The following KLHL5 variants were observed in gnomAD, a reference collection of about 807,000 sequenced individuals.
KLHL5 encodes kelch-like protein 5.
Under a neutral mutation model 77.7 loss-of-function variants are expected in KLHL5, and 48 were observed. The ratio of observed to expected loss-of-function variants is 0.62; its 90% CI spans 0.49 to 0.79. The LOEUF is 0.79. KLHL5 is among the 30% of genes least tolerant of loss of function. KLHL5 has a pLI of 0.00. For missense variants in KLHL5, 723 were observed against 859.7 expected, an observed-to-expected ratio of 0.84 and a Z score of 1.99; for synonymous variants, 260 against 297.0, an observed-to-expected ratio of 0.88 and a Z score of 1.28.
chr4:39,075,994 C>T lies in KLHL5; in HGVS notation c.413C>T (p.Ser138Phe), dbSNP rs1718996254. The T allele has an allele frequency of 6.2e-7, 1 of 1,610,342 alleles. No individual in the cohort carries two copies. Among genetic ancestry groups the T allele is most frequent in the African/African-American group, 1.3e-5 (1 of 74,568 alleles). ...RTSNSSQTLS[S>F]CHTMEPCTSD... ...TCCAATAGTAGTCAGACATTATCAT[C>T]CTGTCATACTATGGAGCCATGTACA... The change falls in exon 2 of 11, where the codon TCC becomes TTC. Residue 138 changes from serine to phenylalanine, a missense_variant. Physicochemically the swap from Ser to Phe is radical, Grantham distance 155. This residue lies in a region of KLHL5 where 221 missense variants were observed against 222.1 expected (regional missense o/e 1.00). Coordinates refer to ENST00000504108, the MANE Select transcript of KLHL5 (RefSeq NM_015990.5).
At chr4:39,115,379 C>T (rs755178884) in intron 10 of KLHL5, 49 bp downstream of exon 10, 2 of 1,605,964 alleles carry the variant, frequency 1.2e-6, no homozygotes, top group Non-Finnish European at 1.7e-6. Flanking sequence ...TTTATTAAAA[C>T]AATTCTTATG....
At chr4:39,107,018 C>T (rs1470767690) in intron 7 of KLHL5, among the ~76,000 whole-genome samples, 1 of 151,482 alleles carries the variant, frequency 6.6e-6, no homozygotes, top group African/African-American at 2.4e-5. Context: ...AGGCTTGAGC[C>T]ACCGTTCCCA....
rs139982106 is a variant in KLHL5 at position 39,081,157 on chromosome 4, C to G, written c.621C>G (p.Val207=). 2.0e-4 allele frequency: 323 copies of G among 1,612,104 alleles called. 1 individual carries two copies. In the African/African-American group the frequency reaches 3.6e-3, roughly 18 times the overall value. Reference sequence around the variant, plus strand: ...TTGCTGCCATGTTTACTAATGATGTCAGAGAGGCAAGACAAGAAGAAATAA... The same window carrying G: ...TTGCTGCCATGTTTACTAATGATGTGAGAGAGGCAAGACAAGAAGAAATAA... ...DYFAAMFTND[V]REARQEEIKM... Residue 207 remains valine, a synonymous_variant, in exon 3 of 11, where the codon GTC becomes GTG. Coordinates refer to ENST00000504108, the MANE Select transcript of KLHL5 (RefSeq NM_015990.5). The surrounding 1 kb of genome is among the most constrained non-coding windows in gnomAD (Gnocchi z 4.3).
At chr4:39,073,409 G>A (rs1277181841) in intron 1 of KLHL5, among the ~76,000 whole-genome samples, 1 of 152,094 alleles carries the variant, frequency 6.6e-6, no homozygotes, top group Non-Finnish European at 1.5e-5. Flanking sequence ...TAATTTATTT[G>A]TTTAATCATC....
intron 5 of KLHL5, among the ~76,000 whole-genome samples, chr4:39,089,429 G>C (rs1428554517): frequency 1.3e-5 from 2 of 152,130 alleles, no homozygotes; most frequent in Non-Finnish European, 2.9e-5. Flanking sequence ...TAAGGACTCT[G>C]AAGTCCTTAG....
In KLHL5 at chr4:39,072,193, CTG is replaced by C. The variant is rs1173955647; in HGVS notation, c.384-3770_384-3769del. 1.4e-4 allele frequency among the ~76,000 whole-genome samples: 22 copies of C among 152,174 alleles called. 1 individual carries two copies. The highest frequency in any genetic ancestry group is 1.1e-3 in the Admixed American group (17 of 15,278). The stretch of plus-strand genomic sequence containing the variant: ...AACAACATTATATAAAGACAAAAGA[CTG>C]TAATTACAGGCCTTCCCATTGGCCA... On this transcript the variant is annotated intron_variant, in intron 1 of 10. Coordinates refer to ENST00000504108, the MANE Select transcript of KLHL5 (RefSeq NM_015990.5).
chr4:39,081,210 T>C lies in KLHL5; in HGVS notation c.674T>C (p.Leu225Ser). The C allele has an allele frequency of 1.9e-6, 3 of 1,612,828 alleles. No homozygotes were observed. Among genetic ancestry groups the C allele is most frequent in the Non-Finnish European group, 2.5e-6 (3 of 1,179,454 alleles). ...IKMEGVEPNS[L>S]WSLIQYAYTG... is the part of the protein sequence containing the mutation. The stretch of plus-strand genomic sequence containing the variant: ...ATGGAAGGTGTAGAACCAAATTCGT[T>C]GTGGTCCTTGATCCAGTATGCTTAT... Residue 225 changes from leucine (L) to serine (S), a missense_variant, in exon 3 of 11, where the codon TTG (leucine) becomes TCG (serine). Transcript: ENST00000504108. The surrounding 1 kb of genome is among the most constrained non-coding windows in gnomAD (Gnocchi z 4.3).
downstream of KLHL5, among the ~76,000 whole-genome samples, chr4:39,130,062 G>T (rs1204029011): frequency 6.6e-6 from 1 of 152,258 alleles, no homozygotes; most frequent in Non-Finnish European, 1.5e-5. Context: ...GCTCGGTCGG[G>T]GAGACCCTAA....
At chr4:39,069,469 TATATACACAC>T (rs1464010715) in intron 1 of KLHL5, among the ~76,000 whole-genome samples, 1 of 66,856 alleles carries the variant, frequency 1.5e-5, no homozygotes, top group African/African-American at 4.7e-5. Flanking sequence ...TATATATATA[TATATACACAC>T]ACACACACAC....
In KLHL5 at chr4:39,126,231, T is replaced by C. The variant is rs1442525990; in HGVS notation, c.*5165T>C. Among the ~76,000 whole-genome samples the C allele has an allele frequency of 2.6e-5, 4 of 152,236 alleles. No individual in the cohort carries two copies. The highest frequency in any genetic ancestry group is 5.9e-5 in the Non-Finnish European group (4 of 68,046). Reference sequence around the variant, plus strand: ...AATAAAATGATATTTAATTTCACTGTGACTAGATAATACTCATGTAATATT... The same window carrying C: ...AATAAAATGATATTTAATTTCACTGCGACTAGATAATACTCATGTAATATT... On this transcript the variant is annotated 3_prime_UTR_variant, in exon 11 of 11. Transcript: ENST00000504108.
At chr4:39,101,098 G>A (rs1721487427) in intron 6 of KLHL5, among the ~76,000 whole-genome samples, 1 of 107,044 alleles carries the variant, frequency 9.3e-6, no homozygotes, top group Admixed American at 9.7e-5. Flanking sequence ...TAATTATTAG[G>A]ATTTTGTTAA....
At chr4:39,045,074 G>T in exon 1 of KLHL5, 1 of 987,790 alleles carries the variant, frequency 1.0e-6, no homozygotes, top group Non-Finnish European at 1.2e-6. Flanking sequence ...CGTGACCCAC[G>T]GCCGCCTCCG....
At chr4:39,109,454 A>G (rs941691425) in intron 8 of KLHL5, among the ~76,000 whole-genome samples, 5 of 151,836 alleles carry the variant, frequency 3.3e-5, no homozygotes, top group Non-Finnish European at 2.9e-5. Context: ...GTGCACTACC[A>G]TGTCCAGCTA....
At chr4:39,049,743 T>C (rs1439344817) in intron 1 of KLHL5, among the ~76,000 whole-genome samples, 1 of 150,156 alleles carries the variant, frequency 6.7e-6, no homozygotes, top group Non-Finnish European at 1.5e-5. Flanking sequence ...TAAATGAAAG[T>C]GTATAAGGCA....
intron 1 of KLHL5, among the ~76,000 whole-genome samples, chr4:39,071,724 A>G (rs1025260980): frequency 1.3e-5 from 2 of 152,206 alleles, no homozygotes; most frequent in African/African-American, 4.8e-5. Flanking sequence ...ACTTGTTTCT[A>G]TTTGATACTT....
chr4:39,106,237 C>T lies in KLHL5; in HGVS notation c.1526-1332C>T, dbSNP rs577294441. Among the ~76,000 whole-genome samples, 6 of 152,148 alleles carry T rather than the reference C, an allele frequency of 3.9e-5. No individual in the cohort carries two copies. In the South Asian group the frequency reaches 8.3e-4, roughly 21 times the overall value. ...CATACCTCAGGACCTTTGCACGTGC[C>T]GTTTCCTCTGCCTCACCTTCTCTTT... On this transcript the variant is annotated intron_variant, in intron 7 of 10. Coordinates refer to ENST00000504108, the MANE Select transcript of KLHL5 (RefSeq NM_015990.5).
Position 39,062,985 on chromosome 4 carries a change from G to A in KLHL5, c.333G>A (p.Val111=). 6.2e-7 allele frequency: 1 copy of A among 1,613,732 alleles called. No individual in the cohort carries two copies. The highest frequency in any genetic ancestry group is 1.3e-5 in the African/African-American group (1 of 75,016). Residue 111 remains valine (V), a synonymous_variant, in exon 1 of 11, where the codon GTG becomes GTA. Transcript: ENST00000504108. ...CACATTGGCTGGATAGACCAGAAGT[G>A]GATGATGGCACTAGTGAAGAAGAAA... ...GGAHWLDRPE[V]DDGTSEEENE...
At chr4:39,063,064 G>A in intron 1 of KLHL5, 29 bp downstream of exon 1, 2 of 1,541,696 alleles carry the variant, frequency 1.3e-6, no homozygotes, top group Non-Finnish European at 1.8e-6. Flanking sequence ...GTTAGAAAAG[G>A]GGTGTGGGGG....
chr4:39,139,781 G>T, the KLHL5 span, among the ~76,000 whole-genome samples: 2 of 152,310 alleles, frequency 1.3e-5, no homozygotes, highest in East Asian at 3.9e-4. Flanking sequence ...TGATGTTCCT[G>T]CCAAAGATGC....
Sources: allele counts gnomAD v4.1 joint callset (sites outside exome capture counted in the v4.1 genomes callset), GRCh38; gene constraint gnomAD v4.1.1; regional missense constraint gnomAD v4.1.1; non-coding constraint Gnocchi (gnomAD v3.1); transcripts MANE v1.5; gene names NCBI Gene and HGNC (gene_info 2026-07-23, HGNC 2026-07-21).